The following ARHGAP18 variants were observed in gnomAD, a reference collection of about 807,000 sequenced individuals.
ARHGAP18 encodes Rho GTPase activating protein 18.
ARHGAP18 carries 67 observed loss-of-function variants against 86.2 expected under a neutral mutation model. The ratio of observed to expected loss-of-function variants is 0.78; its 90% CI spans 0.64 to 0.95. The LOEUF (loss-of-function observed/expected upper bound fraction) is 0.95. Among genes scored for constraint, ARHGAP18 ranks in the 40% least tolerant of loss-of-function variants. ARHGAP18 has a pLI of 0.00. For missense variants in ARHGAP18, 691 were observed against 780.4 expected (o/e 0.89, Z 1.37); for synonymous variants, 283 against 280.4 (o/e 1.01, Z -0.09).
At chr6:129,625,935 ATATATTATATATTTATATAT>A (rs1789449514) in intron 5 of ARHGAP18, among the ~76,000 whole-genome samples, 2 of 98,544 alleles carry the variant, frequency 2.0e-5, no homozygotes, top group African/African-American at 7.8e-5. Flanking sequence ...TTTATATATT[ATATATTATATATTTATATAT>A]TATATATTTA....
intron 13 of ARHGAP18, among the ~76,000 whole-genome samples, chr6:129,582,986 C>G (rs181010343): frequency 9.9e-5 from 15 of 152,236 alleles, no homozygotes; most frequent in Non-Finnish European, 2.9e-5. Flanking sequence ...ATTTATAAAC[C>G]CTATGGGAAG....
chr6:129,676,915 C>CTTTTTT (rs10688716), intron 1 of ARHGAP18, among the ~76,000 whole-genome samples: 12 of 37,994 alleles, frequency 3.2e-4, no homozygotes, highest in East Asian at 2.5e-3. Context: ...TTTTTGTCCT[C>CTTTTTT]TTTTTTTTTT....
intron 12 of ARHGAP18, among the ~76,000 whole-genome samples, chr6:129,595,973 C>T (rs1182527227): frequency 1.3e-5 from 2 of 152,140 alleles, no homozygotes; most frequent in East Asian, 1.9e-4. Context: ...AACCATTTCT[C>T]CACTTTCCGA....
At position 129,654,619 on chromosome 6, in the gene ARHGAP18, C is replaced by T. The variant is rs187642186; in HGVS notation, c.114-12601G>A. On this transcript the variant is annotated intron_variant, in intron 1 of 14. Transcript: ENST00000368149. Reference sequence around the variant, plus strand: ...AGCGTAAGTAGTTCATGGCCTCAAGCGTTGCCCCGCTAGCTACAGCCAACG... The same window carrying T: ...AGCGTAAGTAGTTCATGGCCTCAAGTGTTGCCCCGCTAGCTACAGCCAACG... 6.6e-4 allele frequency among the ~76,000 whole-genome samples: 100 copies of T among 152,306 alleles called. 1 individual carries two copies. Among genetic ancestry groups the T allele is most frequent in the Non-Finnish European group, 1.1e-3 (78 of 68,026 alleles).
intron 7 of ARHGAP18, among the ~76,000 whole-genome samples, chr6:129,611,812 G>A (rs1325113750): frequency 6.6e-6 from 1 of 152,156 alleles, no homozygotes; most frequent in East Asian, 1.9e-4. Flanking sequence ...AAAAAGTTGG[G>A]CCTTATGCTA....
At chr6:129,587,607 A>C (rs951940610) in intron 12 of ARHGAP18, among the ~76,000 whole-genome samples, 3 of 152,198 alleles carry the variant, frequency 2.0e-5, no homozygotes, top group Non-Finnish European at 4.4e-5. Context: ...CAGGAGAGAG[A>C]AATGTCAAGC....
At chr6:129,640,775 TG>T (rs1384592844) in intron 2 of ARHGAP18, among the ~76,000 whole-genome samples, 1 of 152,144 alleles carries the variant, frequency 6.6e-6, no homozygotes, top group Non-Finnish European at 1.5e-5. Flanking sequence ...AAGCACTGAT[TG>T]GGGCTCTCAC....
intron 10 of ARHGAP18, among the ~76,000 whole-genome samples, chr6:129,603,005 A>ATATATATATAT: frequency 1.3e-5 from 2 of 150,758 alleles, no homozygotes; most frequent in Admixed American, 6.6e-5. Context: ...ATATATATAT[A>ATATATATATAT]ATTTCAATAG....
chr6:129,593,809 T>G (rs534442470), intron 12 of ARHGAP18, among the ~76,000 whole-genome samples: 19 of 152,328 alleles, frequency 1.2e-4, no homozygotes, highest in Admixed American at 3.9e-4. Flanking sequence ...TTTAAGAACA[T>G]CTACATTTGG....
chr6:129,693,106 T>C (rs950029936), intron 1 of ARHGAP18, among the ~76,000 whole-genome samples: 11 of 152,218 alleles, frequency 7.2e-5, no homozygotes, highest in African/African-American at 2.4e-4. Flanking sequence ...AAAGAGCTGT[T>C]CATCGGTAAC....
At chr6:129,597,432 G>A (rs1178586542) in intron 12 of ARHGAP18, among the ~76,000 whole-genome samples, 6 of 152,106 alleles carry the variant, frequency 3.9e-5, no homozygotes, top group Non-Finnish European at 7.4e-5. Flanking sequence ...TCCACTGCAG[G>A]TTAGATGGCT....
At position 129,618,705 on chromosome 6, in the gene ARHGAP18, C is replaced by CA; in HGVS notation, c.933dup (p.Val312CysfsTer43). ...TGATTACCTTTTGTTTTGATTTTCA[C>CA]AGCTTTTTGTTGTTTCAGCTCAATA... On this transcript the variant is annotated frameshift_variant, in exon 6 of 15. Coordinates refer to ENST00000368149, the MANE Select transcript of ARHGAP18 (RefSeq NM_033515.3). LOFTEE classifies it high-confidence loss of function. 6.2e-7 allele frequency: 1 copy of CA among 1,604,580 alleles called. No homozygotes were observed. The highest frequency in any genetic ancestry group is 8.5e-7 in the Non-Finnish European group (1 of 1,175,864).
chr6:129,634,085 C>G lies in ARHGAP18; in HGVS notation c.573G>C (p.Ser191=). Residue 191 remains serine, a synonymous_variant, in exon 4 of 15, where the codon TCG becomes TCC. Transcript: ENST00000368149. ...TGTTTTCATTTGTTCTAAGTGACTG[C>G]GATTCAGTGCCACCTGGAGCCTAAA... The part of the protein sequence containing the change: ...SKETAPGGTE[S]QSLRTNENKY... 6.2e-7 allele frequency: 1 copy of G among 1,613,198 alleles called. No homozygotes were observed. The highest frequency in any genetic ancestry group is 8.5e-7 in the Non-Finnish European group (1 of 1,179,762).
At chr6:129,635,259 C>G (rs1009969077) in intron 3 of ARHGAP18, among the ~76,000 whole-genome samples, 2 of 152,204 alleles carry the variant, frequency 1.3e-5, no homozygotes, top group Non-Finnish European at 2.9e-5. Context: ...TCACCTCAAG[C>G]TGTTGTCCAC....
intron 1 of ARHGAP18, among the ~76,000 whole-genome samples, chr6:129,706,328 A>G (rs1454170605): frequency 2.0e-5 from 3 of 152,346 alleles, no homozygotes; most frequent in African/African-American, 4.8e-5. Context: ...GAAACATTCA[A>G]CTGTGTACAA....
intron 2 of ARHGAP18, among the ~76,000 whole-genome samples, chr6:129,639,993 C>G (rs889130005): frequency 7.4e-6 from 1 of 136,050 alleles, no homozygotes; most frequent in Non-Finnish European, 1.5e-5. Context: ...TGCAATGAAC[C>G]GAGATTGTGC....
chr6:129,623,480 A>C (rs901787628), intron 5 of ARHGAP18, among the ~76,000 whole-genome samples: 1 of 152,232 alleles, frequency 6.6e-6, no homozygotes, highest in Non-Finnish European at 1.5e-5. Flanking sequence ...CCACGATGAG[A>C]GATCATAAAG....
chr6:129,635,992 A>T (rs1197013192), intron 3 of ARHGAP18, among the ~76,000 whole-genome samples: 2 of 152,178 alleles, frequency 1.3e-5, no homozygotes. Flanking sequence ...CAGAAATCCC[A>T]CAATTTATAT....
chr6:129,580,192 T>G, intron 13 of ARHGAP18, 61 bp from the exon 14 acceptor site: 1 of 1,434,656 alleles, frequency 7.0e-7, no homozygotes, highest in Non-Finnish European at 9.8e-7. Flanking sequence ...GTAAATCACT[T>G]TAACGTGCTT....
Sources: gnomAD v4.1 joint callset for allele counts (sites outside exome capture counted in the v4.1 genomes callset) on GRCh38, gnomAD v4.1.1 for gene constraint, MANE v1.5 for transcripts, NCBI Gene and HGNC (gene_info 2026-07-23, HGNC 2026-07-21) for gene names.